The following CDK12 variants were observed in gnomAD, a reference collection of about 807,000 sequenced individuals.
The protein encoded by CDK12 is cyclin dependent kinase 12.
A neutral mutation model predicts 133.8 loss-of-function variants in CDK12; 17 were observed. The observed-to-expected ratio is 0.13, with a 90% CI of 0.09 to 0.19. The LOEUF (loss-of-function observed/expected upper bound fraction) is 0.19. Among genes scored for constraint, CDK12 ranks in the 10% least tolerant of loss-of-function variants. The pLI, the probability that CDK12 is intolerant of heterozygous loss-of-function variation, is 1.00. For synonymous variants in CDK12, 694 were observed against 683.6 expected (o/e 1.02, Z -0.24); for missense variants, 1,508 against 1,818.7 (o/e 0.83, Z 3.11).
Position 39,461,809 on chromosome 17 carries a change from C to T in CDK12, c.-263C>T. 1 of 504,864 alleles carries T rather than the reference C, an allele frequency of 2.0e-6. No homozygotes were observed. Among genetic ancestry groups the T allele is most frequent in the Non-Finnish European group, 3.6e-6 (1 of 280,880 alleles). 31.3% of individuals were successfully genotyped at this position (504,864 alleles called of 1,614,324 possible). A position where few individuals can be genotyped will look rare whatever the true frequency, so the allele number is the denominator to read the frequency against. ...GGCTCGGCGGAGGGAGAAGAGGAAA[C>T]AGACTTGAGCAGCTCCCCGTTGTCT... On this transcript the variant is annotated 5_prime_UTR_variant, in exon 1 of 14. Coordinates refer to ENST00000447079, the MANE Select transcript of CDK12 (RefSeq NM_016507.4).
chr17:39,500,291 A>G (rs1263242564), intron 5 of CDK12, among the ~76,000 whole-genome samples: 1 of 151,934 alleles, frequency 6.6e-6, no homozygotes, highest in African/African-American at 2.4e-5. Context: ...TGATCATGCC[A>G]CTGCACTCCA....
intron 11 of CDK12, among the ~76,000 whole-genome samples, chr17:39,523,118 T>C (rs1429567878): frequency 1.3e-5 from 2 of 152,150 alleles, no homozygotes; most frequent in Non-Finnish European, 2.9e-5. Flanking sequence ...TAAAATCTTA[T>C]GAATGCCTCT....
chr17:39,471,827 A>T (rs1217987828), intron 2 of CDK12, 64 bp downstream of exon 2: 1 of 1,398,620 alleles, frequency 7.1e-7, no homozygotes, highest in African/African-American at 1.4e-5. Flanking sequence ...TTCTGTTTTA[A>T]TCTTTGTCAA....
chr17:39,481,831 C>T (rs947340918), intron 2 of CDK12, among the ~76,000 whole-genome samples: 1 of 151,728 alleles, frequency 6.6e-6, no homozygotes, highest in African/African-American at 2.4e-5. Flanking sequence ...AGTGATTCTC[C>T]TGCCTCACCC....
chr17:39,498,698 T>G (rs190639108), intron 5 of CDK12, among the ~76,000 whole-genome samples: 13 of 152,038 alleles, frequency 8.6e-5, no homozygotes, highest in African/African-American at 2.9e-4. Context: ...CCTAGCTAAT[T>G]TATAAATTTT....
At chr17:39,552,534 G>A (rs778984750) in intron 2 of CDK12, among the ~76,000 whole-genome samples, 20 of 152,234 alleles carry the variant, frequency 1.3e-4, no homozygotes, top group Non-Finnish European at 2.5e-4. Context: ...CATTGAAGGA[G>A]AGAGGGTGGC....
chr17:39,487,569 A>G (rs1265107053), intron 2 of CDK12, among the ~76,000 whole-genome samples: 3 of 146,192 alleles, frequency 2.1e-5, no homozygotes, highest in Admixed American at 6.8e-5. Context: ...CTGTTGTACT[A>G]TAGATGTCTT....
intron 1 of CDK12, among the ~76,000 whole-genome samples, chr17:39,463,478 G>A (rs980878412): frequency 8.5e-5 from 13 of 152,066 alleles, no homozygotes; most frequent in African/African-American, 2.9e-4. Context: ...AATCACATTG[G>A]TATTTGTGCT....
chr17:39,545,497 T>C (rs1384224485), upstream of CDK12, among the ~76,000 whole-genome samples: 1 of 69,798 alleles, frequency 1.4e-5, no homozygotes, highest in African/African-American at 5.0e-5. Context: ...CCCAAAAAGC[T>C]TTTTTTTTTT....
intron 1 of CDK12, chr17:39,550,818 C>T (rs1031216875): frequency 6.6e-6 from 1 of 152,028 alleles, no homozygotes; most frequent in African/African-American, 2.4e-5. Flanking sequence ...CACTTGAGGC[C>T]AGGAGTTCGA....
chr17:39,482,015 C>CCTTTTTTTTTTTTTTTT (rs773073791), intron 2 of CDK12, among the ~76,000 whole-genome samples: 3 of 96,212 alleles, frequency 3.1e-5, no homozygotes, highest in Admixed American at 1.2e-4. Flanking sequence ...CCTGGCTTGC[C>CCTTTTTTTTTTTTTTTT]TTTTTTTTTT....
chr17:39,501,188 G>A (rs1188821942), intron 5 of CDK12, 62 bp from the exon 6 acceptor site: 3 of 1,192,824 alleles, frequency 2.5e-6, no homozygotes, highest in Admixed American at 5.2e-5. Context: ...AGGACTTGAG[G>A]CATTGTTATT....
chr17:39,491,665 C>T (rs1290219290), intron 3 of CDK12, among the ~76,000 whole-genome samples: 2 of 151,626 alleles, frequency 1.3e-5, no homozygotes, highest in Non-Finnish European at 2.9e-5. Context: ...AAAGCTGTAG[C>T]CCTATGTCTT....
upstream of CDK12, chr17:39,546,132 A>G (rs917070797): frequency 1.3e-5 from 2 of 150,346 alleles, no homozygotes; most frequent in African/African-American, 4.9e-5. Flanking sequence ...ACAAATTTGC[A>G]TGTCATCCTT....
Position 39,531,131 on chromosome 17 carries a change from G to T in CDK12, c.4288G>T (p.Val1430Leu). 1 of 1,564,484 alleles carries T rather than the reference G, an allele frequency of 6.4e-7. No homozygotes were observed. Among genetic ancestry groups the T allele is most frequent in the Non-Finnish European group, 8.6e-7 (1 of 1,157,130 alleles). ...GAAGGCTGAGGGAAGCAGCAATTCT[G>T]TGGTACATGCAGAGACCAAATTGCA... ...FLKAEGSSNSVVHAETKLQNY... is the reference protein window; with the variant it reads ...FLKAEGSSNSLVHAETKLQNY... Residue 1430 changes from valine (V) to leucine (L), a missense_variant, in exon 14 of 14, where the codon GTG becomes TTG. Physicochemically the swap from Val to Leu is conservative, Grantham distance 32 (BLOSUM62 1). Around this residue, in one of 9 missense-constraint regions of CDK12, gnomAD observed 114 missense variants for 101.2 expected, o/e 1.13. Coordinates refer to ENST00000447079, the MANE Select transcript of CDK12 (RefSeq NM_016507.4).
chr17:39,555,885 A>ACACAC (rs1567819894), intron 2 of CDK12, among the ~76,000 whole-genome samples: 2 of 120,810 alleles, frequency 1.7e-5, no homozygotes, highest in African/African-American at 6.2e-5. Flanking sequence ...ACACACACAC[A>ACACAC]AAGCCAGGTG....
chr17:39,485,407 C>T (rs375757028), intron 2 of CDK12, among the ~76,000 whole-genome samples: 1 of 132,994 alleles, frequency 7.5e-6, no homozygotes, highest in African/African-American at 3.2e-5. Flanking sequence ...GCATCCCCCC[C>T]CTTTTTTTTT....
downstream of CDK12, among the ~76,000 whole-genome samples, chr17:39,538,986 T>C (rs1423273193): frequency 6.6e-6 from 1 of 152,090 alleles, no homozygotes; most frequent in Non-Finnish European, 1.5e-5. Context: ...ATGTAGGAGA[T>C]AAAAGGGAGT....
At position 39,471,609 on chromosome 17, in the gene CDK12, T is replaced by G; in HGVS notation, c.1777T>G (p.Ser593Ala). The G allele has an allele frequency of 6.2e-7, 1 of 1,614,148 alleles. No individual in the cohort carries two copies. The highest frequency in any genetic ancestry group is 1.1e-5 in the South Asian group (1 of 91,076). Residue 593 changes from serine (S) to alanine (A), a missense_variant, in exon 2 of 14, where the codon TCT (serine) becomes GCT (alanine). By Grantham distance (99) the Ser-to-Ala change is moderately conservative. This residue lies in a region of CDK12 where 347 missense variants were observed against 330.8 expected (regional missense o/e 1.05). Coordinates refer to ENST00000447079, the MANE Select transcript of CDK12 (RefSeq NM_016507.4). Reference sequence around the variant, plus strand: ...GCCCCCTTCTACTCACTCAAAGACATCTGCTGTGTCCTCTCAGGCAAATTC... The same window carrying G: ...GCCCCCTTCTACTCACTCAAAGACAGCTGCTGTGTCCTCTCAGGCAAATTC... ...TLPPSTHSKT[S>A]AVSSQANSQP...
Sources: gnomAD v4.1 joint callset for allele counts (sites outside exome capture counted in the v4.1 genomes callset) on GRCh38, gnomAD v4.1.1 for gene constraint, gnomAD v4.1.1 regional missense constraint, MANE v1.5 for transcripts, NCBI Gene and HGNC (gene_info 2026-07-23, HGNC 2026-07-21) for gene names.